The following AMPD3 variants were observed in gnomAD, a reference collection of about 807,000 sequenced individuals.
AMPD3 encodes AMP deaminase 3.
Under a neutral mutation model 82.3 loss-of-function variants are expected in AMPD3, and 57 were observed. The observed-to-expected ratio is 0.69, with a 90% confidence interval of 0.56 to 0.86. The LOEUF (loss-of-function observed/expected upper bound fraction) is 0.86. Ranked by LOEUF, AMPD3 falls within the 40% of genes least tolerant of loss-of-function variation. The pLI, the probability that AMPD3 is intolerant of heterozygous loss-of-function variation, is 0.00. For missense variants in AMPD3, 870 were observed against 1,003.8 expected (o/e 0.87, Z 1.80); for synonymous variants, 381 against 394.7 (o/e 0.97, Z 0.41).
At chr11:10,482,303 C>G in intron 4 of AMPD3, 78 bp downstream of exon 4, 2 of 1,495,248 alleles carry the variant, frequency 1.3e-6, no homozygotes, top group Non-Finnish European at 1.8e-6. Context: ...CTGGCTCGGT[C>G]TATTTCCCCT....
In AMPD3 at chr11:10,493,440, C is replaced by G. The variant is rs1196871447; in HGVS notation, c.1031C>G (p.Thr344Ser). 2 of 1,614,252 alleles carry G rather than the reference C, an allele frequency of 1.2e-6. No individual in the cohort carries two copies. The highest frequency in any genetic ancestry group is 1.7e-6 in the Non-Finnish European group (2 of 1,180,048). Residue 344 changes from threonine (T) to serine (S), a missense_variant, in exon 7 of 15, where the codon ACT becomes AGT. Transcript: ENST00000396553. ...KHTYQTEPDR[T>S]VAEKRGRKIT... is the part of the protein sequence containing the mutation. Reference sequence around the variant, plus strand: ...ACATACCAGACGGAGCCTGACAGGACTGTGGCAGAGAAGCGGGGCCGGAAG... The same window carrying G: ...ACATACCAGACGGAGCCTGACAGGAGTGTGGCAGAGAAGCGGGGCCGGAAG...
intron 1 of AMPD3, among the ~76,000 whole-genome samples, chr11:10,457,890 CTCAA>C (rs954337191): frequency 3.9e-5 from 6 of 152,138 alleles, no homozygotes; most frequent in African/African-American, 1.4e-4. Flanking sequence ...GACCCTGTCT[CTCAA>C]TCAATCAATG....
In AMPD3 at chr11:10,456,701, G is replaced by A. The variant is rs1012014548; in HGVS notation, c.-6+1253G>A. ...GCTGGCTTCAGCTGACAAAGGGTTG[G>A]AAGCCAGGCGTGAACATGCAGCTGG... On this transcript the variant is annotated intron_variant, in intron 1 of 14. Transcript: ENST00000396553. This position sits in a 1 kb window ranked among gnomAD's most constrained non-coding sequence, Gnocchi z 4.3. 4.7e-5 allele frequency: 36 copies of A among 773,374 alleles called. No homozygotes were observed. The African/African-American group carries it at 6.6e-4, about 14-fold the overall frequency. The allele number at this position is 773,374 out of a possible 1,614,324, so 47.9% of individuals were successfully genotyped here.
intron 4 of AMPD3, among the ~76,000 whole-genome samples, chr11:10,482,647 G>A (rs1848946779): frequency 6.6e-6 from 1 of 151,424 alleles, no homozygotes; most frequent in South Asian, 2.1e-4. Context: ...AAGTAGCTGG[G>A]ATCAAAGGCA....
chr11:10,500,801 C>T, intron 11 of AMPD3: 1 of 985,436 alleles, frequency 1.0e-6, no homozygotes, highest in African/African-American at 1.7e-5. Flanking sequence ...AATACGCACA[C>T]AGACGAGGCA....
At chr11:10,495,814 C>A (rs1194874408) in intron 9 of AMPD3, 81 bp downstream of exon 9, 2 of 1,564,800 alleles carry the variant, frequency 1.3e-6, no homozygotes, top group East Asian at 2.3e-5. Context: ...GTCTGCACTC[C>A]TGAGGGGTAG....
intron 11 of AMPD3, chr11:10,500,681 G>A: frequency 6.1e-6 from 6 of 985,430 alleles, no homozygotes; most frequent in Non-Finnish European, 7.2e-6. Context: ...TTTTCGTTCA[G>A]CAAATCACTG....
chr11:10,497,170 T>C (rs1318731093), intron 10 of AMPD3, among the ~76,000 whole-genome samples: 1 of 151,614 alleles, frequency 6.6e-6, no homozygotes, highest in Non-Finnish European at 1.5e-5. Flanking sequence ...GTGGTGGTCT[T>C]GGGGTAGGCC....
intron 5 of AMPD3, chr11:10,486,592 A>G (rs1460418906): frequency 1.4e-5 from 14 of 985,244 alleles, no homozygotes; most frequent in Non-Finnish European, 1.7e-5. Flanking sequence ...ATATCCCTAC[A>G]GTCCCAATCC....
In AMPD3 at chr11:10,456,383, A is replaced by T. The variant is rs775284330; in HGVS notation, c.-6+935A>T. The T allele has an allele frequency of 6.2e-7, 1 of 1,613,782 alleles. No homozygotes were observed. The highest frequency in any genetic ancestry group is 8.5e-7 in the Non-Finnish European group (1 of 1,179,712). On this transcript the variant is annotated intron_variant, in intron 1 of 14. Coordinates refer to ENST00000396553, the MANE Select transcript of AMPD3 (RefSeq NM_001025389.2). This position sits in a 1 kb window ranked among gnomAD's most constrained non-coding sequence, Gnocchi z 4.3. ...TCACTTGAGTGGCATCTTCAGGACC[A>T]GTCATGGAGCCAGGCTCAGGTCTGT...
chr11:10,492,938 G>T (rs1025510991), intron 6 of AMPD3, among the ~76,000 whole-genome samples: 7 of 152,190 alleles, frequency 4.6e-5, no homozygotes, highest in African/African-American at 1.7e-4. Flanking sequence ...ACCTTGGTGT[G>T]TGGTGTACCC....
intron 2 of AMPD3, among the ~76,000 whole-genome samples, chr11:10,475,300 A>T (rs1372163203): frequency 6.6e-6 from 1 of 152,116 alleles, no homozygotes; most frequent in Non-Finnish European, 1.5e-5. Flanking sequence ...GTGCTAGACC[A>T]TTCATGAAGG....
chr11:10,497,409 T>C (rs1849442055), intron 10 of AMPD3, among the ~76,000 whole-genome samples: 1 of 151,930 alleles, frequency 6.6e-6, no homozygotes. Flanking sequence ...CCGGATCCAG[T>C]TGTAGGAGAA....
chr11:10,496,523 T>A, intron 9 of AMPD3: 1 of 985,452 alleles, frequency 1.0e-6, no homozygotes, highest in South Asian at 4.7e-5. Context: ...GATTCATATC[T>A]CAGTCTCTTG....
At position 10,493,409 on chromosome 11, in the gene AMPD3, A is replaced by G. The variant is rs375967847; in HGVS notation, c.1000A>G (p.Lys334Glu). The part of the protein sequence containing the change: ...MNQKHLLRFI[K>E]HTYQTEPDRT... ...CCAAAAGCATCTGCTGCGCTTCATC[A>G]AGCACACATACCAGACGGAGCCTGA... Residue 334 changes from lysine (K) to glutamate (E), a missense_variant, in exon 7 of 15, where the codon AAG becomes GAG. Physicochemically the swap from Lys to Glu is moderately conservative, Grantham distance 56 (BLOSUM62 1). Transcript: ENST00000396553. 2 of 1,614,106 alleles carry G rather than the reference A, an allele frequency of 1.2e-6. No homozygotes were observed. The highest frequency in any genetic ancestry group is 2.7e-5 in the African/African-American group (2 of 74,954).
chr11:10,498,951 C>A (rs899265719), intron 10 of AMPD3, among the ~76,000 whole-genome samples: 1 of 152,180 alleles, frequency 6.6e-6, no homozygotes, highest in Admixed American at 6.5e-5. Flanking sequence ...CAGGAGCAGC[C>A]CCCCAGGGGT....
Position 10,478,842 on chromosome 11 carries a change from G to C in AMPD3, c.426+112G>C, listed in dbSNP as rs1201011309. 3 of 1,222,778 alleles carry C rather than the reference G, an allele frequency of 2.5e-6. No individual in the cohort carries two copies. In the African/African-American group the frequency reaches 4.5e-5, roughly 18 times the overall value. 75.7% of individuals were successfully genotyped at this position (1,222,778 alleles called of 1,614,324 possible). A position where few individuals can be genotyped will look rare whatever the true frequency, so the allele number is the denominator to read the frequency against. On this transcript the variant is annotated intron_variant, in intron 3 of 14. Coordinates refer to ENST00000396553, the MANE Select transcript of AMPD3 (RefSeq NM_001025389.2). ...CCTGGCCCTGTCCGTGGATGTCTGGGAGAAGGTGAAGAGGAGGCACAGGAG... is the reference window on the plus strand; with the variant it reads ...CCTGGCCCTGTCCGTGGATGTCTGGCAGAAGGTGAAGAGGAGGCACAGGAG...
chr11:10,458,581 A>T (rs1216208208), intron 1 of AMPD3, among the ~76,000 whole-genome samples: 1 of 152,090 alleles, frequency 6.6e-6, no homozygotes, highest in Non-Finnish European at 1.5e-5. Flanking sequence ...TTTCACTGTA[A>T]ATAAAGCATG....
At chr11:10,494,797 T>G in intron 7 of AMPD3, 102 bp from the exon 8 acceptor site, 1 of 1,587,124 alleles carries the variant, frequency 6.3e-7, no homozygotes, top group Non-Finnish European at 8.6e-7. Flanking sequence ...AAGATGTCTT[T>G]CGGTGTGGCC....
Sources: gnomAD v4.1 joint callset for allele counts (sites outside exome capture counted in the v4.1 genomes callset) on GRCh38, gnomAD v4.1.1 for gene constraint, Gnocchi (gnomAD v3.1) non-coding constraint, MANE v1.5 for transcripts, NCBI Gene and HGNC (gene_info 2026-07-23, HGNC 2026-07-21) for gene names.